Variants in ABLIM1 observed in about 807,000 individuals in gnomAD.
ABLIM1 encodes the protein actin binding LIM protein 1.
In ABLIM1, 40 loss-of-function variants were observed where a neutral mutation model predicts 107.0. That is an observed-to-expected ratio of 0.37 (90% CI 0.29 to 0.49). The LOEUF (loss-of-function observed/expected upper bound fraction) is 0.49. Ranked by LOEUF, ABLIM1 falls within the 20% of genes least tolerant of loss-of-function variation. The probability of loss-of-function intolerance (pLI) is 0.97; values close to 1 mark genes in which losing one functional copy is unlikely to be tolerated. For missense variants in ABLIM1, 857 were observed against 1,008.5 expected (o/e 0.85, Z 2.04); for synonymous variants, 357 against 357.3 (o/e 1.00, Z 0.01).
intron 1 of ABLIM1, among the ~76,000 whole-genome samples, chr10:114,635,297 G>A (rs181960466): frequency 6.6e-6 from 1 of 152,220 alleles, no homozygotes; most frequent in Admixed American, 6.5e-5. Context: ...GTCACTCTTG[G>A]CAAAAATTCA....
At chr10:114,512,458 A>G (rs1256154465) in intron 6 of ABLIM1, among the ~76,000 whole-genome samples, 1 of 152,210 alleles carries the variant, frequency 6.6e-6, no homozygotes, top group Non-Finnish European at 1.5e-5. Flanking sequence ...GGAAGGGACA[A>G]TGTCTAACTA....
chr10:114,489,780 T>C (rs1250903177), intron 7 of ABLIM1, among the ~76,000 whole-genome samples: 1 of 152,200 alleles, frequency 6.6e-6, no homozygotes, highest in African/African-American at 2.4e-5. Flanking sequence ...GAACATCAGA[T>C]GCTGAAGAAG....
At position 114,491,012 on chromosome 10, in the gene ABLIM1, G is replaced by GTATA. The variant is rs71473045; in HGVS notation, c.982+775_982+778dup. On this transcript the variant is annotated intron_variant, in intron 7 of 22. Transcript: ENST00000533213. ...TGTGTGTGTGTGTGTGTGTGTGTGTGTATATATATATATGGTCTATTTTAT... is the reference window on the plus strand; with the variant it reads ...TGTGTGTGTGTGTGTGTGTGTGTGTGTATATATATATATATATGGTCTATTTTAT... Among the ~76,000 whole-genome samples the GTATA allele has an allele frequency of 7.1e-3, 660 of 92,368 alleles. 24 individuals carry two copies. The highest frequency in any genetic ancestry group is 0.028 in the African/African-American group (607 of 21,682). The allele number at this position is 92,368 out of a possible 152,430, so 60.6% of individuals were successfully genotyped here.
At chr10:114,453,862 G>C (rs921484424) in intron 12 of ABLIM1, among the ~76,000 whole-genome samples, 3 of 152,146 alleles carry the variant, frequency 2.0e-5, no homozygotes, top group African/African-American at 7.2e-5. Context: ...GCGTGTAAAG[G>C]AGCGGGCTAG....
intron 4 of ABLIM1, among the ~76,000 whole-genome samples, chr10:114,551,377 C>T (rs2068039829): frequency 6.6e-6 from 1 of 152,240 alleles, no homozygotes; most frequent in Non-Finnish European, 1.5e-5. Context: ...GTCTTGAGGG[C>T]TTGGCCTGCA....
chr10:114,533,605 T>TCAAG (rs2065671769), intron 6 of ABLIM1, among the ~76,000 whole-genome samples: 1 of 152,228 alleles, frequency 6.6e-6, no homozygotes, highest in South Asian at 2.1e-4. Flanking sequence ...TCAGGACATT[T>TCAAG]ACTGTGTATG....
intron 8 of ABLIM1, among the ~76,000 whole-genome samples, chr10:114,480,106 C>T (rs1044693653): frequency 9.2e-5 from 14 of 152,236 alleles, no homozygotes; most frequent in African/African-American, 3.1e-4. Context: ...CCAACCCTAT[C>T]ATCACCTCTT....
chr10:114,791,421 G>A, the ABLIM1 span, among the ~76,000 whole-genome samples: 3 of 152,064 alleles, frequency 2.0e-5, no homozygotes, highest in Non-Finnish European at 2.9e-5. Flanking sequence ...GGCGGATCAC[G>A]AGGTCAGGAG....
chr10:114,686,716 C>T (rs1336102701), upstream of ABLIM1, among the ~76,000 whole-genome samples: 10 of 151,994 alleles, frequency 6.6e-5, no homozygotes, highest in Non-Finnish European at 1.2e-4. Context: ...GCAGCTTTGA[C>T]CTCCTAGGTT....
chr10:114,603,662 A>C (rs1279855216), intron 1 of ABLIM1, among the ~76,000 whole-genome samples: 1 of 151,308 alleles, frequency 6.6e-6, no homozygotes. Flanking sequence ...GAAGAAGAAA[A>C]GTTTTCCTTG....
intron 12 of ABLIM1, among the ~76,000 whole-genome samples, chr10:114,461,351 T>C (rs775453807): frequency 3.3e-5 from 5 of 151,128 alleles, no homozygotes; most frequent in Non-Finnish European, 7.4e-5. Context: ...ATTTGGCTAA[T>C]GGCTGTTATA....
At chr10:114,581,852 C>T (rs1321619052) in intron 2 of ABLIM1, among the ~76,000 whole-genome samples, 1 of 151,986 alleles carries the variant, frequency 6.6e-6, no homozygotes, top group Admixed American at 6.6e-5. Context: ...ACCCTTAGGC[C>T]AAAATCCTGT....
At chr10:114,458,706 G>T (rs1213536520) in intron 12 of ABLIM1, among the ~76,000 whole-genome samples, 2 of 152,172 alleles carry the variant, frequency 1.3e-5, no homozygotes, top group Non-Finnish European at 2.9e-5. Flanking sequence ...AGCAAAAGAG[G>T]AAAGATTCCT....
At chr10:114,720,730 TAA>T (rs1045851261) in intron 1 of ABLIM1, among the ~76,000 whole-genome samples, 1 of 140,884 alleles carries the variant, frequency 7.1e-6, no homozygotes. Flanking sequence ...TGCATTGAAA[TAA>T]AAAAAAAAAG....
At chr10:114,673,006 C>G (rs1432811969) in intron 1 of ABLIM1, among the ~76,000 whole-genome samples, 1 of 152,064 alleles carries the variant, frequency 6.6e-6, no homozygotes, top group Non-Finnish European at 1.5e-5. Context: ...GCCTGTAATT[C>G]CAGCACTTTG....
chr10:114,529,103 C>T (rs1459399209), intron 6 of ABLIM1, among the ~76,000 whole-genome samples: 2 of 151,654 alleles, frequency 1.3e-5, no homozygotes, highest in Non-Finnish European at 2.9e-5. Context: ...GAATTAGGCT[C>T]ACTACCCACG....
intron 1 of ABLIM1, among the ~76,000 whole-genome samples, chr10:114,623,284 C>T (rs997051818): frequency 1.3e-5 from 2 of 152,198 alleles, no homozygotes; most frequent in East Asian, 1.9e-4. Context: ...CTCCAAGTCA[C>T]GCTGAGCCCC....
intron 1 of ABLIM1, among the ~76,000 whole-genome samples, chr10:114,671,020 C>T (rs1250931432): frequency 6.6e-6 from 1 of 152,174 alleles, no homozygotes; most frequent in Non-Finnish European, 1.5e-5. Context: ...ATAACCACTT[C>T]CCAAGTCAGA....
intron 7 of ABLIM1, among the ~76,000 whole-genome samples, chr10:114,491,010 G>GTATATATATATATATA (rs1484101683): frequency 3.4e-5 from 3 of 89,196 alleles, no homozygotes; most frequent in African/African-American, 1.6e-4. Context: ...GTGTGTGTGT[G>GTATATATATATATATA]TGTATATATA....
Sources: gnomAD v4.1 joint callset for allele counts (sites outside exome capture counted in the v4.1 genomes callset) on GRCh38, gnomAD v4.1.1 for gene constraint, MANE v1.5 for transcripts, NCBI Gene and HGNC (gene_info 2026-07-23, HGNC 2026-07-21) for gene names.